Variants in SLC8A1 observed in about 807,000 individuals in gnomAD.
The protein encoded by SLC8A1 is solute carrier family 8 member A1, also known as sodium/calcium exchanger 1.
SLC8A1 carries 18 observed loss-of-function variants against 68.3 expected under a neutral mutation model. The ratio of observed to expected loss-of-function variants is 0.26; its 90% CI spans 0.18 to 0.39. SLC8A1 has a LOEUF of 0.39. SLC8A1 is among the 10% of genes least tolerant of loss of function. The pLI is 1.00. For missense variants in SLC8A1, 985 were observed against 1,156.7 expected (o/e 0.85, Z 2.15); for synonymous variants, 475 against 415.5 (o/e 1.14, Z -1.74).
intron 2 of SLC8A1, among the ~76,000 whole-genome samples, chr2:40,260,709 T>G (rs2064581098): frequency 6.6e-6 from 1 of 151,750 alleles, no homozygotes; most frequent in South Asian, 2.1e-4. Flanking sequence ...ATTATTGACC[T>G]TTCCTTTCAA....
intron 2 of SLC8A1, among the ~76,000 whole-genome samples, chr2:40,229,245 C>T (rs2059350037): frequency 6.6e-6 from 1 of 151,914 alleles, no homozygotes; most frequent in Admixed American, 6.6e-5. Context: ...CTGAATGGCT[C>T]ATGACCCTAC....
At chr2:40,338,133 C>T (rs565375717) in intron 2 of SLC8A1, among the ~76,000 whole-genome samples, 73 of 152,202 alleles carry the variant, frequency 4.8e-4, no homozygotes, top group African/African-American at 1.7e-3. Flanking sequence ...CTCTCTCTCC[C>T]TTTATCCAAT....
At chr2:40,164,716 G>C in intron 5 of SLC8A1, 138 bp downstream of exon 8, 1 of 1,176,446 alleles carries the variant, frequency 8.5e-7, no homozygotes, top group Non-Finnish European at 1.2e-6. Flanking sequence ...TGGCCCCAAA[G>C]GCTCTCAATT....
At chr2:40,304,162 T>C (rs978568336) in intron 2 of SLC8A1, among the ~76,000 whole-genome samples, 1 of 152,228 alleles carries the variant, frequency 6.6e-6, no homozygotes, top group African/African-American at 2.4e-5. Flanking sequence ...AGTGTTTTAA[T>C]GGTAACTACA....
intron 1 of SLC8A1, among the ~76,000 whole-genome samples, chr2:40,466,253 T>C (rs1250906285): frequency 6.6e-6 from 1 of 152,134 alleles, no homozygotes; most frequent in African/African-American, 2.4e-5. Flanking sequence ...GAAATTTGAA[T>C]TGATTATGAC....
chr2:40,175,549 T>G (rs1464649501), intron 3 of SLC8A1, among the ~76,000 whole-genome samples: 1 of 152,096 alleles, frequency 6.6e-6, no homozygotes, highest in Non-Finnish European at 1.5e-5. Context: ...TATATATAAT[T>G]TCTTTACATT....
intron 2 of SLC8A1, among the ~76,000 whole-genome samples, chr2:40,200,254 AT>A (rs2054096249): frequency 7.2e-5 from 4 of 55,426 alleles, no homozygotes; most frequent in South Asian, 7.0e-4. Context: ...ATATATATAT[AT>A]ATATATATAT....
chr2:40,152,562 G>A (rs1228133854), intron 6 of SLC8A1, among the ~76,000 whole-genome samples: 3 of 151,248 alleles, frequency 2.0e-5, no homozygotes, highest in African/African-American at 7.3e-5. Flanking sequence ...GCACCACTAC[G>A]CCTAGCTAAT....
At chr2:40,172,897 G>A (rs771713256) in intron 4 of SLC8A1, among the ~76,000 whole-genome samples, 26 of 152,078 alleles carry the variant, frequency 1.7e-4, no homozygotes, top group South Asian at 4.1e-4. Flanking sequence ...AGCCGAGATC[G>A]CGCCACTGTA....
intron 2 of SLC8A1, among the ~76,000 whole-genome samples, chr2:40,267,171 C>G (rs1218646372): frequency 2.0e-5 from 3 of 152,104 alleles, no homozygotes. Flanking sequence ...AACAAGAAAA[C>G]AAAGTAACAA....
intron 2 of SLC8A1, among the ~76,000 whole-genome samples, chr2:40,341,653 C>T (rs13012983): frequency 6.6e-6 from 1 of 151,998 alleles, no homozygotes. Context: ...CTTCTTCCAA[C>T]GTAAAAATTG....
chr2:40,302,070 TGTG>T lies in SLC8A1; in HGVS notation c.1809-124218_1809-124216del, dbSNP rs1482181315. Among the ~76,000 whole-genome samples the T allele has an allele frequency of 6.0e-5, 9 of 150,048 alleles. No individual in the cohort carries two copies. The South Asian group carries it at 1.9e-3, about 32-fold the overall frequency. On this transcript the variant is annotated intron_variant, in intron 2 of 7. Transcript: ENST00000406785. ...GTGTGTGTGTGTGTGTGTGTGTGTG[TGTG>T]TTTAGTAGAGAAGGGGTTTCGCCGT...
intron 1 of SLC8A1, among the ~76,000 whole-genome samples, chr2:40,485,281 T>C (rs913427699): frequency 1.3e-5 from 2 of 152,176 alleles, no homozygotes; most frequent in Non-Finnish European, 2.9e-5. Context: ...AAATTGGAAC[T>C]ACATCAATGT....
chr2:40,336,664 T>C (rs891636752), intron 2 of SLC8A1, among the ~76,000 whole-genome samples: 2 of 152,228 alleles, frequency 1.3e-5, no homozygotes, highest in Non-Finnish European at 2.9e-5. Context: ...ATATAGACTG[T>C]TAAGTTCACT....
At chr2:40,395,486 C>T (rs1000507288) in intron 2 of SLC8A1, among the ~76,000 whole-genome samples, 2 of 152,032 alleles carry the variant, frequency 1.3e-5, no homozygotes, top group East Asian at 1.9e-4. Context: ...AAGTCAAATC[C>T]GAAGGCTACC....
At chr2:40,454,653 T>G (rs1483457136), upstream of SLC8A1, among the ~76,000 whole-genome samples, 2 of 152,190 alleles carry the variant, frequency 1.3e-5, no homozygotes, top group Admixed American at 6.5e-5. Flanking sequence ...GGCAGCCTAG[T>G]GCCTAGTGAT....
intron 1 of SLC8A1, among the ~76,000 whole-genome samples, chr2:40,438,355 C>T (rs1024113706): frequency 5.7e-4 from 87 of 152,224 alleles, no homozygotes; most frequent in African/African-American, 2.0e-3. Flanking sequence ...TCCCCAATAG[C>T]TGGTTGACAT....
chr2:40,139,622 T>C, exon 7 of SLC8A1: 1 of 1,614,054 alleles, frequency 6.2e-7, no homozygotes, highest in Non-Finnish European at 8.5e-7. Context: ...CATCACGTAA[T>C]CGAAACAGGA....
chr2:40,120,104 C>T (rs7601672), intron 7 of SLC8A1, among the ~76,000 whole-genome samples: 125,190 of 152,148 alleles, frequency 0.82, 52,343 homozygotes, highest in East Asian at 0.99. Flanking sequence ...ATCTCTTCTG[C>T]AAAAAAAGGT....
Sources: gnomAD v4.1 joint callset for allele counts (sites outside exome capture counted in the v4.1 genomes callset) on GRCh38, gnomAD v4.1.1 for gene constraint, MANE v1.5 for transcripts, NCBI Gene and HGNC (gene_info 2026-07-23, HGNC 2026-07-21) for gene names.